MAPK10: variants seen among roughly 807,000 people sequenced by gnomAD.
The protein encoded by MAPK10 is JNK3 alpha protein kinase.
A neutral mutation model predicts 59.3 loss-of-function variants in MAPK10; 25 were observed. The observed-to-expected ratio is 0.42, with a 90% CI of 0.31 to 0.59. The LOEUF (loss-of-function observed/expected upper bound fraction) is 0.59, where lower values mean the gene tolerates loss of function less well. MAPK10 is among the 20% of genes least tolerant of loss of function. The pLI is 0.15. For synonymous variants in MAPK10, 190 were observed against 200.5 expected, an observed-to-expected ratio of 0.95 and a Z score of 0.44; for missense variants, 351 against 568.9, an observed-to-expected ratio of 0.62 and a Z score of 3.90.
At chr4:86,376,612 G>A (rs1220192516) in intron 1 of MAPK10, among the ~76,000 whole-genome samples, 1 of 152,098 alleles carries the variant, frequency 6.6e-6, no homozygotes, top group Non-Finnish European at 1.5e-5. Context: ...TTAACATAGT[G>A]CTTGGTAGAA....
chr4:86,352,695 T>G (rs1464323332), intron 2 of MAPK10, among the ~76,000 whole-genome samples: 2 of 152,232 alleles, frequency 1.3e-5, no homozygotes, highest in African/African-American at 4.8e-5. Flanking sequence ...TTGTTTTATG[T>G]TGTTTGATTT....
chr4:86,415,404 A>G (rs566672144), intron 1 of MAPK10, among the ~76,000 whole-genome samples: 1 of 152,324 alleles, frequency 6.6e-6, no homozygotes, highest in South Asian at 2.1e-4. Context: ...GAGTTCTCCT[A>G]TGAAAAACTG....
intron 2 of MAPK10, among the ~76,000 whole-genome samples, chr4:86,198,127 C>G (rs182006531): frequency 9.9e-5 from 15 of 152,218 alleles, no homozygotes; most frequent in African/African-American, 3.6e-4. Context: ...GTTTTGCAAA[C>G]AGAAACACTA....
At chr4:86,074,655 C>G (rs1246245906) in intron 9 of MAPK10, among the ~76,000 whole-genome samples, 1 of 140,570 alleles carries the variant, frequency 7.1e-6, no homozygotes, top group Non-Finnish European at 1.5e-5. Flanking sequence ...ACTTATGAAG[C>G]TCAGTTTGGC....
At position 86,421,177 on chromosome 4, in the gene MAPK10, G is replaced by A. The variant is rs534599510; in HGVS notation, c.-122+31853C>T. ...TGTTTACTTAAAATGAACAATAGGA[G>A]TCTCAATCTTGTGGGTCATTTCCCC... On this transcript the variant is annotated intron_variant, in intron 1 of 13. Transcript: ENST00000361569. Among the ~76,000 whole-genome samples, 6 of 152,188 alleles carry A rather than the reference G, an allele frequency of 3.9e-5. No individual in the cohort carries two copies. The South Asian group carries it at 1.0e-3, about 26-fold the overall frequency.
chr4:86,031,471 G>C (rs780010086), intron 11 of MAPK10, 40 bp from the exon 12 acceptor site: 12 of 1,430,614 alleles, frequency 8.4e-6, no homozygotes, highest in Non-Finnish European at 1.1e-5. Context: ...GTGTGATAAT[G>C]TAAACATAAC....
intron 3 of MAPK10, among the ~76,000 whole-genome samples, chr4:86,164,968 G>GAT (rs1322537343): frequency 3.9e-5 from 6 of 152,054 alleles, no homozygotes; most frequent in Non-Finnish European, 5.9e-5. Context: ...AAATTTAAAG[G>GAT]GCCTGATTCT....
intron 2 of MAPK10, among the ~76,000 whole-genome samples, chr4:86,235,216 G>A (rs1215718662): frequency 3.3e-5 from 5 of 152,140 alleles, no homozygotes; most frequent in Non-Finnish European, 7.4e-5. Flanking sequence ...CCAAAAGAGA[G>A]AACTTTTATG....
Position 86,101,142 on chromosome 4 carries a change from C to T in MAPK10, c.640G>A (p.Ala214Thr), listed in dbSNP as rs1164376598. The T allele has an allele frequency of 1.2e-6, 2 of 1,613,812 alleles. No homozygotes were observed. The highest frequency in any genetic ancestry group is 1.7e-6 in the Non-Finnish European group (2 of 1,179,760). The change falls in exon 8 of 14, where the codon GCA (alanine) becomes ACA (threonine). Residue 214 changes from alanine (A) to threonine (T), a missense_variant. Ala to Thr is a moderately conservative substitution (Grantham distance 58). Coordinates refer to ENST00000641462, the MANE Select transcript of MAPK10 (RefSeq NM_138982.4). The part of the protein sequence containing the change: ...KILDFGLART[A>T]GTSFMMTPYV... ...GGAGTCATCATGAAGCTTGTGCCTG[C>T]TGTCCTGGCCAGTCCAAAGTCCAGG... is the stretch of plus-strand genomic sequence containing the variant.
At chr4:86,044,750 G>A (rs562292866) in intron 11 of MAPK10, 1 of 397,722 alleles carries the variant, frequency 2.5e-6, no homozygotes, top group Admixed American at 4.4e-5. Context: ...ATGCGTCACA[G>A]GTTTTCTGAA....
At chr4:86,124,151 A>C (rs1377458926) in intron 4 of MAPK10, 1 of 151,988 alleles carries the variant, frequency 6.6e-6, no homozygotes, top group East Asian at 1.9e-4. Context: ...ACATAATTAC[A>C]CTAAAAACAG....
chr4:86,565,195 T>TA (rs954197438), intron 1 of MAPK10, among the ~76,000 whole-genome samples: 1 of 152,162 alleles, frequency 6.6e-6, no homozygotes, highest in Non-Finnish European at 1.5e-5. Flanking sequence ...AATTCACTTT[T>TA]AAAAACAGCT....
intron 9 of MAPK10, among the ~76,000 whole-genome samples, chr4:86,098,085 A>G (rs9884770): frequency 0.44 from 66,825 of 152,004 alleles, 15,396 homozygotes; most frequent in African/African-American, 0.56. Context: ...CAACAAAGCC[A>G]TAGACAGAAG....
chr4:86,518,314 C>A (rs1003175431), intron 1 of MAPK10, among the ~76,000 whole-genome samples: 2 of 152,202 alleles, frequency 1.3e-5, no homozygotes, highest in Non-Finnish European at 1.5e-5. Flanking sequence ...TGAGCCACCA[C>A]ACCTGGCCTC....
At chr4:86,446,815 T>C (rs1750105385) in intron 1 of MAPK10, among the ~76,000 whole-genome samples, 1 of 152,178 alleles carries the variant, frequency 6.6e-6, no homozygotes, top group Non-Finnish European at 1.5e-5. Flanking sequence ...ATAAGGTTGA[T>C]CATCTTTTCA....
chr4:86,465,036 C>T (rs747089850), intron 1 of MAPK10, among the ~76,000 whole-genome samples: 4 of 152,198 alleles, frequency 2.6e-5, no homozygotes, highest in Admixed American at 6.5e-5. Flanking sequence ...TATTATCCAG[C>T]GATGCCCAAC....
intron 2 of MAPK10, among the ~76,000 whole-genome samples, chr4:86,282,700 T>TC (rs1436011247): frequency 3.3e-5 from 5 of 152,176 alleles, no homozygotes. Context: ...CTGAGGTGTT[T>TC]ATAAATCTTT....
intron 4 of MAPK10, among the ~76,000 whole-genome samples, chr4:86,129,481 G>A (rs2060635730): frequency 6.6e-6 from 1 of 152,114 alleles, no homozygotes; most frequent in South Asian, 2.1e-4. Context: ...TCAAGACAAG[G>A]TTTGGTCCAT....
At chr4:86,467,949 G>C (rs1282783242) in intron 1 of MAPK10, among the ~76,000 whole-genome samples, 2 of 152,160 alleles carry the variant, frequency 1.3e-5, no homozygotes, top group East Asian at 3.9e-4. Flanking sequence ...CTTGCAACGA[G>C]GCCAGATACA....
Sources: gnomAD v4.1 joint callset for allele counts (sites outside exome capture counted in the v4.1 genomes callset) on GRCh38, gnomAD v4.1.1 for gene constraint, MANE v1.5 for transcripts, NCBI Gene and HGNC (gene_info 2026-07-23, HGNC 2026-07-21) for gene names.